Variants in CTNNA2 observed in about 807,000 individuals in gnomAD.
CTNNA2 encodes the protein catenin alpha 2.
CTNNA2 carries 42 observed loss-of-function variants against 101.0 expected under a neutral mutation model. The ratio of observed to expected loss-of-function variants is 0.42; its 90% CI spans 0.32 to 0.54. CTNNA2 has a LOEUF of 0.54. Ranked by LOEUF, CTNNA2 falls within the 20% of genes least tolerant of loss-of-function variation. The pLI, the probability that CTNNA2 is intolerant of heterozygous loss-of-function variation, is 0.14. For synonymous variants in CTNNA2, 450 were observed against 456.4 expected (o/e 0.99, Z 0.18); for missense variants, 871 against 1,223.1 (o/e 0.71, Z 4.29).
At chr2:79,968,030 G>A (rs1690200837) in intron 7 of CTNNA2, among the ~76,000 whole-genome samples, 1 of 152,102 alleles carries the variant, frequency 6.6e-6, no homozygotes, top group Admixed American at 6.6e-5. Flanking sequence ...ACATAGGTTG[G>A]TGGTTATCAT....
intron 2 of CTNNA2, among the ~76,000 whole-genome samples, chr2:79,691,187 G>T (rs1348327433): frequency 6.6e-6 from 1 of 151,966 alleles, no homozygotes; most frequent in Non-Finnish European, 1.5e-5. Flanking sequence ...ATAAAAAAGT[G>T]TGGTCATACA....
intron 9 of CTNNA2, among the ~76,000 whole-genome samples, chr2:80,508,436 G>T (rs992440780): frequency 6.6e-6 from 1 of 152,116 alleles, no homozygotes; most frequent in Non-Finnish European, 1.5e-5. Context: ...AGTTAGCCCA[G>T]ATCTCACATT....
intron 2 of CTNNA2, among the ~76,000 whole-genome samples, chr2:79,232,674 C>T (rs1674510767): frequency 6.6e-6 from 1 of 152,072 alleles, no homozygotes; most frequent in African/African-American, 2.4e-5. Flanking sequence ...GTTTAGGGCT[C>T]CTTTTGGTTG....
At chr2:80,160,729 TG>T (rs1261587850) in intron 7 of CTNNA2, among the ~76,000 whole-genome samples, 1 of 152,180 alleles carries the variant, frequency 6.6e-6, no homozygotes, top group Non-Finnish European at 1.5e-5. Flanking sequence ...TGCAATACAT[TG>T]TTTTTTTCTT....
chr2:80,402,734 T>G (rs1297147836), intron 8 of CTNNA2, among the ~76,000 whole-genome samples: 1 of 148,902 alleles, frequency 6.7e-6, no homozygotes, highest in African/African-American at 2.4e-5. Context: ...AATGGCAAAT[T>G]TATATATTTC....
intron 7 of CTNNA2, among the ~76,000 whole-genome samples, chr2:80,295,939 T>G (rs1457954911): frequency 6.6e-6 from 1 of 152,202 alleles, no homozygotes; most frequent in African/African-American, 2.4e-5. Context: ...AATTTCAGTT[T>G]GCAGTTCTTG....
rs1240949853 is a variant in CTNNA2 at position 79,305,804 on chromosome 2, G to T, written c.-405-6905G>T. ...ATTATGCCTGTAATCCCAGCACTTT[G>T]GGAGGCTGAGGCAGGTGGATCACGA... On this transcript the variant is annotated intron_variant, in intron 2 of 21. Coordinates refer to the CTNNA2 transcript ENST00000466387. Among the ~76,000 whole-genome samples the T allele has an allele frequency of 4.6e-5, 7 of 152,238 alleles. No homozygotes were observed. The East Asian group carries it at 1.4e-3, about 29-fold the overall frequency.
intron 3 of CTNNA2, among the ~76,000 whole-genome samples, chr2:79,748,142 G>C (rs1409713296): frequency 6.6e-6 from 1 of 152,042 alleles, no homozygotes; most frequent in Non-Finnish European, 1.5e-5. Context: ...TCGTCATTAT[G>C]TAATCCCCTT....
intron 1 of CTNNA2, among the ~76,000 whole-genome samples, chr2:79,541,504 T>A (rs1181747919): frequency 2.6e-5 from 4 of 151,324 alleles, no homozygotes; most frequent in Non-Finnish European, 4.4e-5. Context: ...TATATTTAGC[T>A]ACAGAGTGAA....
intron 2 of CTNNA2, among the ~76,000 whole-genome samples, chr2:79,217,502 T>G (rs1572984245): frequency 6.7e-6 from 1 of 148,754 alleles, no homozygotes; most frequent in African/African-American, 2.5e-5. Context: ...CGGGCAGGAG[T>G]GGGGGCCACA....
intron 2 of CTNNA2, among the ~76,000 whole-genome samples, chr2:79,726,660 G>A (rs1458981129): frequency 3.9e-5 from 6 of 152,172 alleles, no homozygotes; most frequent in South Asian, 4.1e-4. Flanking sequence ...GTTAGGGACC[G>A]CTGGTGTAAT....
intron 2 of CTNNA2, among the ~76,000 whole-genome samples, chr2:79,700,242 T>C (rs532479355): frequency 6.6e-6 from 1 of 152,158 alleles, no homozygotes; most frequent in East Asian, 1.9e-4. Context: ...AGTATTATGC[T>C]CATCATAAAA....
upstream of CTNNA2, among the ~76,000 whole-genome samples, chr2:79,508,602 T>C (rs1671462761): frequency 6.6e-6 from 1 of 152,120 alleles, no homozygotes; most frequent in African/African-American, 2.4e-5. Flanking sequence ...AATAATATTA[T>C]TTTACTGCTT....
chr2:80,374,682 C>CGTGTGTGTGTGTGT (rs57179557), intron 7 of CTNNA2, among the ~76,000 whole-genome samples: 3 of 133,964 alleles, frequency 2.2e-5, no homozygotes, highest in East Asian at 4.5e-4. Context: ...TGCGTGCGTG[C>CGTGTGTGTGTGTGT]GTGTGTGTGT....
chr2:79,810,676 C>T (rs55803051), intron 3 of CTNNA2, among the ~76,000 whole-genome samples: 1 of 151,480 alleles, frequency 6.6e-6, no homozygotes, highest in Non-Finnish European at 1.5e-5. Flanking sequence ...ATACCTCCCC[C>T]CTCCCCCCAC....
intron 3 of CTNNA2, among the ~76,000 whole-genome samples, chr2:79,849,908 C>T (rs1190351246): frequency 1.3e-5 from 2 of 152,168 alleles, no homozygotes; most frequent in Non-Finnish European, 2.9e-5. Context: ...TCCTTTCCTC[C>T]TCTCGACAGC....
intron 5 of CTNNA2, 67 bp from the exon 6 acceptor site, chr2:79,874,009 A>G (rs1303429291): frequency 1.3e-6 from 2 of 1,578,964 alleles, no homozygotes; most frequent in Non-Finnish European, 1.7e-6. Flanking sequence ...TGTGACTCCA[A>G]ACTGTGTTGC....
chr2:79,924,684 A>C (rs1346357515), intron 7 of CTNNA2, among the ~76,000 whole-genome samples: 2 of 152,126 alleles, frequency 1.3e-5, no homozygotes, highest in Non-Finnish European at 2.9e-5. Flanking sequence ...AAATGATCAA[A>C]GTGCATTATT....
rs142810717 is a variant in CTNNA2, at chr2:79,861,348, A to G, written c.465+3169A>G. ...ATCTCTGAGTAACTCAGAGGAACAA[A>G]GAGAGAATTACCTTTTTCCGCAGCA... On this transcript the variant is annotated intron_variant, in intron 4 of 18. Transcript: ENST00000402739. Among the ~76,000 whole-genome samples the G allele has an allele frequency of 3.3e-4, 50 of 152,318 alleles. No homozygotes were observed. In the East Asian group the frequency reaches 7.9e-3, roughly 24 times the overall value.
Sources: allele counts gnomAD v4.1 joint callset (sites outside exome capture counted in the v4.1 genomes callset), GRCh38; gene constraint gnomAD v4.1.1; transcripts MANE v1.5; gene names NCBI Gene and HGNC (gene_info 2026-07-23, HGNC 2026-07-21).